SPCS2: variants seen among roughly 807,000 people sequenced by gnomAD.
SPCS2 encodes SPase 25 kDa subunit.
SPCS2 carries 3 observed loss-of-function variants against 22.3 expected under a neutral mutation model. The ratio of observed to expected loss-of-function variants is 0.13; its 90% CI spans 0.06 to 0.35. SPCS2 has a LOEUF of 0.35. Among genes scored for constraint, SPCS2 ranks in the 10% least tolerant of loss-of-function variants. The pLI, the probability that SPCS2 is intolerant of heterozygous loss-of-function variation, is 1.00. For missense variants in SPCS2, 169 were observed against 280.9 expected (o/e 0.60, Z 2.85); for synonymous variants, 67 against 97.2 (o/e 0.69, Z 1.83).
At chr11:74,957,359 G>T (rs1948485974) in intron 1 of SPCS2, among the ~76,000 whole-genome samples, 1 of 152,198 alleles carries the variant, frequency 6.6e-6, no homozygotes, top group Non-Finnish European at 1.5e-5. Context: ...CCAGGCAGTA[G>T]GAGATGGATT....
At chr11:74,974,832 T>C (rs1948606225) in intron 4 of SPCS2, among the ~76,000 whole-genome samples, 1 of 152,124 alleles carries the variant, frequency 6.6e-6, no homozygotes, top group African/African-American at 2.4e-5. Flanking sequence ...GCCAGGATGG[T>C]CTGGATCTCC....
intron 1 of SPCS2, among the ~76,000 whole-genome samples, chr11:74,960,552 A>G (rs1312000470): frequency 6.6e-6 from 1 of 151,476 alleles, no homozygotes; most frequent in Non-Finnish European, 1.5e-5. Context: ...GCTTGTTAGG[A>G]ATCAAGATAC....
chr11:74,955,748 C>A (rs921608338), intron 1 of SPCS2, among the ~76,000 whole-genome samples: 1 of 149,604 alleles, frequency 6.7e-6, no homozygotes, highest in African/African-American at 2.5e-5. Flanking sequence ...CTGGAGTAAC[C>A]CTTAAAGTTT....
At chr11:74,960,250 T>G (rs576691875) in intron 1 of SPCS2, among the ~76,000 whole-genome samples, 1 of 152,238 alleles carries the variant, frequency 6.6e-6, no homozygotes, top group South Asian at 2.1e-4. Context: ...GAGAATTGCT[T>G]GAACCCAGGA....
chr11:74,950,266 A>G (rs921728057), intron 1 of SPCS2, among the ~76,000 whole-genome samples: 6 of 152,166 alleles, frequency 3.9e-5, no homozygotes, highest in Non-Finnish European at 2.9e-5. Context: ...CTGTTTTCTC[A>G]TCTGCAAAGT....
In SPCS2 at chr11:74,965,078, A is replaced by T. The variant is rs1241219971; in HGVS notation, c.159A>T (p.Gly53=). 6.4e-7 allele frequency: 1 copy of T among 1,551,438 alleles called. No individual in the cohort carries two copies. The highest frequency in any genetic ancestry group is 2.0e-5 in the Admixed American group (1 of 50,974). The change falls in exon 2 of 5, where the codon GGA becomes GGT. Residue 53 remains glycine, a synonymous_variant. Coordinates refer to ENST00000263672, the MANE Select transcript of SPCS2 (RefSeq NM_014752.3). ...DKPVKIDKWD[G]SAVKNSLDDS... The stretch of plus-strand genomic sequence containing the variant: ...CTGTAAAAATTGACAAGTGGGATGG[A>T]TCAGCTGTGAAAAACTCTTTGGATG...
chr11:74,974,210 C>T (rs2140221824), intron 4 of SPCS2, among the ~76,000 whole-genome samples: 1 of 152,228 alleles, frequency 6.6e-6, no homozygotes, highest in African/African-American at 2.4e-5. Flanking sequence ...CTTCATCTCC[C>T]ATTTTTTTAC....
chr11:74,972,103 G>A (rs1202892535), intron 4 of SPCS2, among the ~76,000 whole-genome samples: 1 of 150,928 alleles, frequency 6.6e-6, no homozygotes, highest in Non-Finnish European at 1.5e-5. Flanking sequence ...TTTCACTCTT[G>A]TCACCCAGGC....
At chr11:74,975,322 G>T (rs371331588) in intron 4 of SPCS2, among the ~76,000 whole-genome samples, 6 of 152,002 alleles carry the variant, frequency 3.9e-5, no homozygotes, top group African/African-American at 1.4e-4. Context: ...CTTAGTGAAG[G>T]CTTTTCTGCC....
chr11:74,976,211 C>A (rs79734791), intron 4 of SPCS2, among the ~76,000 whole-genome samples: 6,367 of 152,254 alleles, frequency 0.042, 450 homozygotes, highest in African/African-American at 0.14. Context: ...ATTAAGACAA[C>A]AATCTTTGCT....
At position 74,978,969 on chromosome 11, in the gene SPCS2, ATCTT is replaced by A. The variant is rs1366478259; in HGVS notation, c.*1927_*1930del. 1 of 152,168 alleles carries A rather than the reference ATCTT, an allele frequency of 6.6e-6. No homozygotes were observed. Among genetic ancestry groups the A allele is most frequent in the Non-Finnish European group, 1.5e-5 (1 of 68,038 alleles). 9.4% of individuals were successfully genotyped at this position (152,168 alleles called of 1,614,324 possible). A position where few individuals can be genotyped will look rare whatever the true frequency, so the allele number is the denominator to read the frequency against. On this transcript the variant is annotated 3_prime_UTR_variant, in exon 5 of 5. Transcript: ENST00000263672. ...GTAATTTGTGTTTTAAACTTAATAT[ATCTT>A]AGGCATTTTCCCTGTGTGTGTGTAT...
intron 1 of SPCS2, 115 bp downstream of exon 1, chr11:74,949,514 T>A (rs879046729): frequency 1.1e-6 from 1 of 918,024 alleles, no homozygotes; most frequent in Admixed American, 2.0e-5. Context: ...GGAGCCCTTG[T>A]GTGACCACTA....
intron 3 of SPCS2, among the ~76,000 whole-genome samples, chr11:74,969,320 T>G (rs1948567516): frequency 6.6e-6 from 1 of 152,228 alleles, no homozygotes; most frequent in Non-Finnish European, 1.5e-5. Context: ...AGCTAGTTTA[T>G]GCTCTGTATC....
intron 1 of SPCS2, among the ~76,000 whole-genome samples, chr11:74,961,517 T>G (rs189400178): frequency 3.3e-5 from 5 of 151,090 alleles, no homozygotes; most frequent in East Asian, 1.9e-4. Context: ...CAGCTTGTTT[T>G]TTGTTGTTGT....
chr11:74,969,476 T>A (rs762653134), intron 3 of SPCS2, 89 bp from the exon 4 acceptor site: 4 of 1,274,136 alleles, frequency 3.1e-6, no homozygotes, highest in Non-Finnish European at 4.4e-6. Flanking sequence ...TTTAGGACTA[T>A]CATTATGAAA....
intron 1 of SPCS2, among the ~76,000 whole-genome samples, chr11:74,962,581 C>T (rs747987883): frequency 2.6e-5 from 4 of 151,294 alleles, no homozygotes; most frequent in African/African-American, 9.7e-5. Flanking sequence ...TTAAAATACC[C>T]GAATTAGTAG....
chr11:74,974,603 A>C (rs1313508061), intron 4 of SPCS2, among the ~76,000 whole-genome samples: 1 of 152,072 alleles, frequency 6.6e-6, no homozygotes, highest in East Asian at 1.9e-4. Context: ...ATGTTACTGT[A>C]ATGATGTTCT....
intron 4 of SPCS2, among the ~76,000 whole-genome samples, chr11:74,976,118 A>C (rs987584561): frequency 3.6e-4 from 55 of 152,322 alleles, no homozygotes; most frequent in African/African-American, 1.2e-3. Flanking sequence ...CCGGGATTGG[A>C]GAGCATCCTT....
chr11:74,960,966 A>T (rs1265848555), intron 1 of SPCS2, among the ~76,000 whole-genome samples: 1 of 152,114 alleles, frequency 6.6e-6, no homozygotes, highest in African/African-American at 2.4e-5. Context: ...CATTTGCTAA[A>T]TTTAAACTGG....
Sources: gnomAD v4.1 joint callset for allele counts (sites outside exome capture counted in the v4.1 genomes callset) on GRCh38, gnomAD v4.1.1 for gene constraint, MANE v1.5 for transcripts, NCBI Gene and HGNC (gene_info 2026-07-23, HGNC 2026-07-21) for gene names.